CNTNAP2: variants seen among roughly 807,000 people sequenced by gnomAD.
CNTNAP2 encodes contactin-associated protein-like 2.
CNTNAP2 carries 98 observed loss-of-function variants against 155.2 expected under a neutral mutation model. The observed-to-expected ratio is 0.63, with a 90% CI of 0.54 to 0.75. The LOEUF is 0.75. Among genes scored for constraint, CNTNAP2 ranks in the 30% least tolerant of loss-of-function variants. The probability of loss-of-function intolerance (pLI) is 0.00; values close to 1 mark genes in which losing one functional copy is unlikely to be tolerated. For synonymous variants in CNTNAP2, 651 were observed against 631.2 expected (o/e 1.03, Z -0.47); for missense variants, 1,727 against 1,688.1 (o/e 1.02, Z -0.40).
At chr7:147,170,845 G>T (rs1053220507) in intron 8 of CNTNAP2, among the ~76,000 whole-genome samples, 1 of 152,166 alleles carries the variant, frequency 6.6e-6, no homozygotes, top group African/African-American at 2.4e-5. Flanking sequence ...CCTGGGAGGG[G>T]CTGACAGGCA....
intron 13 of CNTNAP2, among the ~76,000 whole-genome samples, chr7:147,876,937 T>G (rs1438091757): frequency 6.6e-6 from 1 of 151,894 alleles, no homozygotes; most frequent in Non-Finnish European, 1.5e-5. Context: ...TTGGGGCTGG[T>G]GTCGGGTGAT....
intron 1 of CNTNAP2, among the ~76,000 whole-genome samples, chr7:146,190,443 A>G (rs1379929322): frequency 6.6e-6 from 1 of 152,198 alleles, no homozygotes; most frequent in Non-Finnish European, 1.5e-5. Context: ...TAATTGTAGC[A>G]ATAGCATGGC....
chr7:146,675,540 G>C (rs954302181), intron 1 of CNTNAP2, among the ~76,000 whole-genome samples: 2 of 152,242 alleles, frequency 1.3e-5, no homozygotes, highest in African/African-American at 4.8e-5. Flanking sequence ...TATAAGTCCT[G>C]AGTGCCTGAA....
At chr7:146,293,699 C>A (rs777167390) in intron 1 of CNTNAP2, among the ~76,000 whole-genome samples, 2 of 151,924 alleles carry the variant, frequency 1.3e-5, no homozygotes, top group Non-Finnish European at 2.9e-5. Flanking sequence ...TCACGTTGTT[C>A]TTTCATGTTT....
intron 2 of CNTNAP2, among the ~76,000 whole-genome samples, chr7:146,808,845 C>T (rs892539310): frequency 5.9e-5 from 9 of 152,122 alleles, no homozygotes; most frequent in African/African-American, 1.9e-4. Flanking sequence ...AATGTCCCTC[C>T]AGTTCATTCA....
chr7:146,213,092 A>T (rs1372486443), intron 1 of CNTNAP2, among the ~76,000 whole-genome samples: 1 of 152,158 alleles, frequency 6.6e-6, no homozygotes, highest in East Asian at 1.9e-4. Context: ...TAGTTGATTA[A>T]TTTTTAACGT....
At chr7:146,123,412 A>T (rs1386312152) in intron 1 of CNTNAP2, among the ~76,000 whole-genome samples, 3 of 152,162 alleles carry the variant, frequency 2.0e-5, no homozygotes, top group Admixed American at 6.5e-5. Context: ...CTGCACTGGG[A>T]TGGTGATCTG....
chr7:148,075,507 G>A (rs1056683425), intron 15 of CNTNAP2, among the ~76,000 whole-genome samples: 5 of 152,068 alleles, frequency 3.3e-5, no homozygotes, highest in African/African-American at 1.2e-4. Flanking sequence ...AGGACCACTT[G>A]CTCTACTGAA....
chr7:147,176,889 T>C (rs1373930594), intron 8 of CNTNAP2, among the ~76,000 whole-genome samples: 2 of 128,102 alleles, frequency 1.6e-5, no homozygotes, highest in Non-Finnish European at 3.1e-5. Flanking sequence ...TATATAATTA[T>C]ATATTATAAT....
intron 8 of CNTNAP2, among the ~76,000 whole-genome samples, chr7:147,225,964 GAAGAAAGAGAGA>G (rs1408811593): frequency 3.8e-4 from 57 of 148,948 alleles, no homozygotes; most frequent in South Asian, 1.1e-3. Flanking sequence ...AGAGAGAAAG[GAAGAAAGAGAGA>G]AAGAAAGAGA....
intron 1 of CNTNAP2, among the ~76,000 whole-genome samples, chr7:146,188,788 C>T (rs1053897017): frequency 6.6e-6 from 1 of 152,170 alleles, no homozygotes; most frequent in Admixed American, 6.5e-5. Context: ...GCACACCAAA[C>T]CACTGAGTTA....
At chr7:148,389,750 A>C (rs1799305057) in intron 22 of CNTNAP2, 1 of 151,796 alleles carries the variant, frequency 6.6e-6, no homozygotes. Flanking sequence ...TTCACTCCTG[A>C]GCATGAAGCT....
chr7:146,694,902 TGGTATATAG>T lies in CNTNAP2; in HGVS notation c.98-79367_98-79359del, dbSNP rs1382940435. On this transcript the variant is annotated intron_variant, in intron 1 of 23. Transcript: ENST00000361727. ...ATTTTAAATTCTGAGTGTTCATTGC[TGGTATATAG>T]GAAAACAACTTTTGCACATTAACCT... is the stretch of plus-strand genomic sequence containing the variant. Among the ~76,000 whole-genome samples, 4 of 152,200 alleles carry T rather than the reference TGGTATATAG, an allele frequency of 2.6e-5. 1 individual carries two copies. The highest frequency in any genetic ancestry group is 9.6e-5 in the African/African-American group (4 of 41,462).
intron 14 of CNTNAP2, among the ~76,000 whole-genome samples, chr7:147,963,595 G>A (rs943391543): frequency 2.0e-5 from 3 of 152,124 alleles, no homozygotes; most frequent in African/African-American, 4.8e-5. Flanking sequence ...TGGCTAGGAG[G>A]CAAGTTTGAT....
chr7:147,527,015 C>CTTTTCTTT (rs1562981280), intron 11 of CNTNAP2, among the ~76,000 whole-genome samples: 6 of 65,166 alleles, frequency 9.2e-5, no homozygotes, highest in African/African-American at 3.9e-4. Context: ...ACAGGCATTT[C>CTTTTCTTT]TTTTTTTTTT....
intron 13 of CNTNAP2, among the ~76,000 whole-genome samples, chr7:147,701,189 G>A (rs1374847898): frequency 1.3e-5 from 2 of 152,114 alleles, no homozygotes; most frequent in African/African-American, 2.4e-5. Flanking sequence ...TTAGATGTTG[G>A]ACCATTGTAG....
At chr7:146,423,772 C>G (rs781405582) in intron 1 of CNTNAP2, among the ~76,000 whole-genome samples, 4 of 152,180 alleles carry the variant, frequency 2.6e-5, no homozygotes, top group Non-Finnish European at 4.4e-5. Context: ...ACAGTTATAG[C>G]AAACATTTCT....
intron 15 of CNTNAP2, among the ~76,000 whole-genome samples, chr7:148,066,425 T>C (rs979438775): frequency 5.3e-5 from 8 of 152,224 alleles, no homozygotes; most frequent in African/African-American, 1.9e-4. Flanking sequence ...CCAGTTATTC[T>C]TAGGTTTGGT....
At chr7:148,049,822 T>C (rs962416789) in intron 15 of CNTNAP2, among the ~76,000 whole-genome samples, 2 of 152,358 alleles carry the variant, frequency 1.3e-5, no homozygotes, top group African/African-American at 2.4e-5. Context: ...TATTATATTA[T>C]ACATTTTATC....
Sources: allele counts gnomAD v4.1 joint callset (sites outside exome capture counted in the v4.1 genomes callset), GRCh38; gene constraint gnomAD v4.1.1; transcripts MANE v1.5; gene names NCBI Gene and HGNC (gene_info 2026-07-23, HGNC 2026-07-21).